ADAMTSL5: variants seen among roughly 807,000 people sequenced by gnomAD.
ADAMTSL5 encodes ADAMTS like 5.
In ADAMTSL5, 53 loss-of-function variants were observed where a neutral mutation model predicts 51.7. The ratio of observed to expected loss-of-function variants is 1.03; its 90% CI spans 0.82 to 1.29. The LOEUF is 1.29. Among genes scored for constraint, ADAMTSL5 ranks in the 50% most tolerant of loss-of-function variants. The pLI is 0.00. For synonymous variants in ADAMTSL5, 285 were observed against 278.7 expected (o/e 1.02, Z -0.23); for missense variants, 770 against 676.2 (o/e 1.14, Z -1.54).
rs1415433996 is a variant in ADAMTSL5, at chr19:1,507,391, C to A, written c.703G>T (p.Asp235Tyr). ...TGCCCATTAAGCACGTAGCGCCCAT[C>A]GCCCCCCATCAGTGCTGCAAGGGAA... ...SRNHLALMGG[D>Y]GRYVLNGHWV... Residue 235 changes from aspartate (D) to tyrosine (Y), a missense_variant, in exon 9 of 12, where the codon GAT becomes TAT. Asp to Tyr is a radical substitution (Grantham distance 160, BLOSUM62 -3). Transcript: ENST00000330475. The A allele has an allele frequency of 2.5e-6, 4 of 1,572,994 alleles. No homozygotes were observed. Among genetic ancestry groups the A allele is most frequent in the African/African-American group, 1.4e-5 (1 of 73,910 alleles).
chr19:1,509,214 C>G (rs1003554268), intron 5 of ADAMTSL5, among the ~76,000 whole-genome samples: 1 of 130,188 alleles, frequency 7.7e-6, no homozygotes, highest in African/African-American at 2.9e-5. Flanking sequence ...AAGATCATGC[C>G]ACTGCACTCC....
chr19:1,507,666 G>T (rs1440491650), intron 7 of ADAMTSL5, 23 bp from the exon 8 acceptor site: 1 of 1,606,912 alleles, frequency 6.2e-7, no homozygotes, highest in Admixed American at 1.7e-5. Flanking sequence ...GTAGGAGGGT[G>T]TTGGGGTGCC....
At chr19:1,508,618 A>G in intron 5 of ADAMTSL5, 48 bp from the exon 6 acceptor site, 1 of 1,466,112 alleles carries the variant, frequency 6.8e-7, no homozygotes, top group Non-Finnish European at 9.0e-7. Flanking sequence ...TTCGAGCTCC[A>G]GTCCCCCTCT....
rs969727428 is a variant in ADAMTSL5, at chr19:1,512,951, A to C, written c.-218+12T>G. 6.6e-6 allele frequency: 1 copy of C among 152,340 alleles called. No individual in the cohort carries two copies. The highest frequency in any genetic ancestry group is 1.9e-4 in the East Asian group (1 of 5,188). 9.4% of individuals were successfully genotyped at this position (152,340 alleles called of 1,614,324 possible). A position where few individuals can be genotyped will look rare whatever the true frequency, so the allele number is the denominator to read the frequency against. Reference sequence around the variant, plus strand: ...CCCCGGAGAAAGTGGGAGGATAGGCAGATGGACTTACCGGCTGCGCGGAGC... The same window carrying C: ...CCCCGGAGAAAGTGGGAGGATAGGCCGATGGACTTACCGGCTGCGCGGAGC... On this transcript the variant is annotated intron_variant, in intron 1 of 11. Coordinates refer to ENST00000330475, the MANE Select transcript of ADAMTSL5 (RefSeq NM_213604.3).
chr19:1,509,596 C>T (rs1913143849), intron 5 of ADAMTSL5, among the ~76,000 whole-genome samples: 1 of 116,664 alleles, frequency 8.6e-6, no homozygotes, highest in African/African-American at 3.3e-5. Context: ...AGGTTTCCTC[C>T]AATTCTCAGA....
intron 6 of ADAMTSL5, 150 bp downstream of exon 6, chr19:1,508,293 T>TG: frequency 1.9e-6 from 1 of 531,978 alleles, no homozygotes; most frequent in Non-Finnish European, 2.1e-6. Context: ...TAAGGGGGGC[T>TG]GGGGGCAGGG....
chr19:1,509,743 C>T (rs1256046208), intron 5 of ADAMTSL5, among the ~76,000 whole-genome samples: 1 of 152,130 alleles, frequency 6.6e-6, no homozygotes, highest in Non-Finnish European at 1.5e-5. Context: ...CCATTCTAGG[C>T]TTTTCTTATA....
At chr19:1,510,067 G>T (rs1476861213) in intron 5 of ADAMTSL5, 83 bp downstream of exon 5, 4 of 1,140,546 alleles carry the variant, frequency 3.5e-6, no homozygotes, top group Admixed American at 5.3e-5. Context: ...TCTTCTCTTT[G>T]CAACCCTCCA....
chr19:1,508,061 A>G lies in ADAMTSL5; in HGVS notation c.538T>C (p.Cys180Arg). The change falls in exon 7 of 12, where the codon TGT (cysteine) becomes CGT (arginine). Residue 180 changes from cysteine to arginine, a missense_variant. Physicochemically the swap from Cys to Arg is radical, Grantham distance 180. Coordinates refer to ENST00000330475, the MANE Select transcript of ADAMTSL5 (RefSeq NM_213604.3). ...LLGSGALEDR[C>R]GRCGGANDSC... is the part of the protein sequence containing the mutation. ...TCGTTGGCGCCTCCGCAGCGGCCAC[A>G]GCGGTCCTCGAGGGCACCCGAGCCC... 6.2e-7 allele frequency: 1 copy of G among 1,610,796 alleles called. No individual in the cohort carries two copies. The highest frequency in any genetic ancestry group is 2.2e-5 in the East Asian group (1 of 44,782).
At position 1,511,177 on chromosome 19, in the gene ADAMTSL5, T is replaced by TGTTG. The variant is rs1555693706; in HGVS notation, c.-217-18_-217-17insCAAC. On this transcript the variant is annotated splice_polypyrimidine_tract_variant and intron_variant, in intron 1 of 11. Transcript: ENST00000330475. ...GAATGTCATCTGCAATTATTATTGTTGTTAGTTAGTTTGTTTTTGAGACGG... is the reference window on the plus strand; with the variant it reads ...GAATGTCATCTGCAATTATTATTGTTGTTGGTTAGTTAGTTTGTTTTTGAGACGG... 7.1e-6 allele frequency: 2 copies of TGTTG among 280,850 alleles called. No homozygotes were observed. The highest frequency in any genetic ancestry group is 1.2e-5 in the Non-Finnish European group (2 of 170,808). 17.4% of individuals were successfully genotyped at this position (280,850 alleles called of 1,614,324 possible). A position where few individuals can be genotyped will look rare whatever the true frequency, so the allele number is the denominator to read the frequency against.
At chr19:1,511,594 T>G in intron 1 of ADAMTSL5, 7 of 919,114 alleles carry the variant, frequency 7.6e-6, no homozygotes, top group Non-Finnish European at 9.0e-6. Flanking sequence ...TGGGGCCCCC[T>G]CCCCGCCCTC....
intron 7 of ADAMTSL5, 119 bp from the exon 8 acceptor site, chr19:1,507,762 A>G: frequency 8.9e-7 from 1 of 1,117,428 alleles, no homozygotes; most frequent in Non-Finnish European, 1.3e-6. Flanking sequence ...GAACCGGAAA[A>G]CCCTCCGTAA....
chr19:1,511,584 TG>T, intron 1 of ADAMTSL5: 1 of 1,260,856 alleles, frequency 7.9e-7, no homozygotes. Context: ...CTCCTAGGGC[TG>T]GGGCCCCCTC....
In ADAMTSL5 at chr19:1,506,528, C is replaced by G. The variant is rs1912932433; in HGVS notation, c.1114+62G>C. 6.4e-7 allele frequency: 1 copy of G among 1,563,022 alleles called. No individual in the cohort carries two copies. The highest frequency in any genetic ancestry group is 1.3e-5 in the African/African-American group (1 of 74,132). On this transcript the variant is annotated intron_variant, in intron 11 of 11. Transcript: ENST00000330475. The surrounding 1 kb of genome is among the most constrained non-coding windows in gnomAD (Gnocchi z 5.6). The stretch of plus-strand genomic sequence containing the variant: ...GTCAAGGGTAAAGTCAGATTAGGGT[C>G]AGAGGTCAGGAGGAGGCCAGGTTAG...
At chr19:1,512,537 C>T (rs147581702) in intron 1 of ADAMTSL5, among the ~76,000 whole-genome samples, 2 of 152,132 alleles carry the variant, frequency 1.3e-5, no homozygotes, top group Non-Finnish European at 2.9e-5. Context: ...AAAATTAGCC[C>T]GGTGTGGTGG....
rs1256611436 is a variant in ADAMTSL5 at position 1,506,326 on chromosome 19, G to C, written c.1115-10C>G. 1.9e-6 allele frequency: 3 copies of C among 1,542,714 alleles called. No individual in the cohort carries two copies. The highest frequency in any genetic ancestry group is 2.6e-6 in the Non-Finnish European group (3 of 1,143,018). ...ACTCGGGCCTGGAACACTGTTGAGG[G>C]GACGTGCTAAGCTGGCTGGCTGCTC... On this transcript the variant is annotated splice_polypyrimidine_tract_variant and intron_variant, in intron 11 of 11. Coordinates refer to ENST00000330475, the MANE Select transcript of ADAMTSL5 (RefSeq NM_213604.3). The surrounding 1 kb of genome is among the most constrained non-coding windows in gnomAD (Gnocchi z 5.6).
In ADAMTSL5 at chr19:1,508,656, T is replaced by C. The variant is rs181302504; in HGVS notation, c.362-86A>G. ...CAAGCTTCATCAGGCAACCATCACT[T>C]TGGGCAGATGAAGCCCAGAGATTTG... On this transcript the variant is annotated intron_variant, in intron 5 of 11. Coordinates refer to ENST00000330475, the MANE Select transcript of ADAMTSL5 (RefSeq NM_213604.3). The C allele has an allele frequency of 4.3e-5, 61 of 1,426,378 alleles. No homozygotes were observed. In the East Asian group the frequency reaches 7.2e-4, roughly 17 times the overall value. The allele number at this position is 1,426,378 out of a possible 1,614,324, so 88.4% of individuals were successfully genotyped here.
chr19:1,509,254 C>CA (rs753778097), intron 5 of ADAMTSL5, among the ~76,000 whole-genome samples: 35,462 of 49,888 alleles, frequency 0.71, 12,929 homozygotes, highest in Non-Finnish European at 0.77. Flanking sequence ...GACTCCATCT[C>CA]AAAAAAAAAA....
In ADAMTSL5 at chr19:1,508,480, G is replaced by C; in HGVS notation, c.452C>G (p.Pro151Arg). The C allele has an allele frequency of 6.3e-7, 1 of 1,583,786 alleles. No individual in the cohort carries two copies. The highest frequency in any genetic ancestry group is 8.5e-7 in the Non-Finnish European group (1 of 1,171,772). The change falls in exon 6 of 12, where the codon CCG becomes CGG. Residue 151 changes from proline (P) to arginine (R), a missense_variant. Pro to Arg is a moderately radical substitution (Grantham distance 103). Transcript: ENST00000330475. ...AGCCACGCAGACCCCCTGGGCACCC[G>C]GGCTGCAGGCGGTGCCGTCCAGGAC... is the stretch of plus-strand genomic sequence containing the variant. ...GRVLDGTACS[P>R]GAQGVCVAGR...
Sources: gnomAD v4.1 joint callset for allele counts (sites outside exome capture counted in the v4.1 genomes callset) on GRCh38, gnomAD v4.1.1 for gene constraint, Gnocchi (gnomAD v3.1) non-coding constraint, MANE v1.5 for transcripts, NCBI Gene and HGNC (gene_info 2026-07-23, HGNC 2026-07-21) for gene names.